The following DEFB127 variants were observed in gnomAD, a reference collection of about 807,000 sequenced individuals.
DEFB127 encodes the protein defensin beta 127, also known as beta-defensin 127.
Under a neutral mutation model 2.4 loss-of-function variants are expected in DEFB127, and 2 were observed. The observed-to-expected ratio is 0.82, with a 90% confidence interval of 0.34 to 2.58. The LOEUF is 2.58. Among genes scored for constraint, DEFB127 ranks in the 30% most tolerant of loss-of-function variants. The pLI, the probability that DEFB127 is intolerant of heterozygous loss-of-function variation, is 0.11. For missense variants in DEFB127, 110 were observed against 113.2 expected, an observed-to-expected ratio of 0.97 and a Z score of 0.13; for synonymous variants, 37 against 39.8, an observed-to-expected ratio of 0.93 and a Z score of 0.26.
At position 158,913 on chromosome 20, in the gene DEFB127, T is replaced by TA. The variant is rs1375522756; in HGVS notation, c.196dup (p.Ile66AsnfsTer50). ...TCAATATCAAGGAACTGGAAGCATG[T>TA]AAAAAAATTACAAAGCCACCTCGTC... On this transcript the variant is annotated frameshift_variant, in exon 2 of 2. Transcript: ENST00000382388. LOFTEE classifies it low-confidence loss of function (END_TRUNC). 10 of 1,613,674 alleles carry TA rather than the reference T, an allele frequency of 6.2e-6. No homozygotes were observed. The highest frequency in any genetic ancestry group is 1.7e-4 in the Middle Eastern group (1 of 6,060).
At chr20:158,704 T>C in intron 1 of DEFB127, 70 bp from the exon 2 acceptor site, 2 of 1,501,700 alleles carry the variant, frequency 1.3e-6, no homozygotes, top group Non-Finnish European at 1.8e-6. Context: ...GCCTCCTCTG[T>C]CTTCCCCAAA....
chr20:158,742 G>A, intron 1 of DEFB127, 32 bp from the exon 2 acceptor site: 1 of 1,583,872 alleles, frequency 6.3e-7, no homozygotes, highest in Non-Finnish European at 8.6e-7. Context: ...CTCAAACACT[G>A]ATATTGTTCT....
At chr20:158,266 A>G (rs1423808255) in intron 1 of DEFB127, among the ~76,000 whole-genome samples, 2 of 152,162 alleles carry the variant, frequency 1.3e-5, no homozygotes, top group East Asian at 3.8e-4. Flanking sequence ...CTAAGACCCA[A>G]TAGACTACTA....
Position 159,152 on chromosome 20 carries a change from G to C in DEFB127, c.*128G>C. On this transcript the variant is annotated 3_prime_UTR_variant, in exon 2 of 2. Coordinates refer to ENST00000382388, the MANE Select transcript of DEFB127 (RefSeq NM_139074.4). ...ACCTTCGAGCATATTCTAATAAAGT[G>C]CATTGCCAGTTTTCTGTCTCATTTT... is the stretch of plus-strand genomic sequence containing the variant. 9.3e-7 allele frequency: 1 copy of C among 1,071,988 alleles called. No homozygotes were observed. 66.4% of individuals were successfully genotyped at this position (1,071,988 alleles called of 1,614,324 possible).
intron 1 of DEFB127, 138 bp downstream of exon 1, chr20:157,731 T>G: frequency 1.1e-6 from 1 of 910,392 alleles, no homozygotes; most frequent in East Asian, 2.6e-5. Flanking sequence ...CATCAGAAAT[T>G]TCCTCTTTCT....
chr20:159,069 T>C lies in DEFB127; in HGVS notation c.*45T>C. The C allele has an allele frequency of 1.3e-6, 2 of 1,544,704 alleles. No individual in the cohort carries two copies. The highest frequency in any genetic ancestry group is 8.7e-7 in the Non-Finnish European group (1 of 1,146,516). ...TCACTTGCTTCTCAACCTAGTCTAATAAACTAAGGTGATGAGATATACATC... is the reference window on the plus strand; with the variant it reads ...TCACTTGCTTCTCAACCTAGTCTAACAAACTAAGGTGATGAGATATACATC... On this transcript the variant is annotated 3_prime_UTR_variant, in exon 2 of 2. Coordinates refer to ENST00000382388, the MANE Select transcript of DEFB127 (RefSeq NM_139074.4).
At position 157,454 on chromosome 20, in the gene DEFB127, G is replaced by A. The variant is rs114622530; in HGVS notation, c.-91G>A. The A allele has an allele frequency of 1.5e-3, 2,017 of 1,375,908 alleles. 20 individuals are homozygous for A. The African/African-American group carries it at 0.025, about 17-fold the overall frequency. 85.2% of individuals were successfully genotyped at this position (1,375,908 alleles called of 1,614,324 possible). Reference sequence around the variant, plus strand: ...ATCATCCCATCTGTTCTGGTTCAGTGCATAAGAATCTAAGTCTCTGAGGAA... The same window carrying A: ...ATCATCCCATCTGTTCTGGTTCAGTACATAAGAATCTAAGTCTCTGAGGAA... On this transcript the variant is annotated 5_prime_UTR_variant, in exon 1 of 2. Coordinates refer to ENST00000382388, the MANE Select transcript of DEFB127 (RefSeq NM_139074.4).
At position 157,519 on chromosome 20, in the gene DEFB127, C is replaced by G. The variant is rs766337534; in HGVS notation, c.-26C>G. The G allele has an allele frequency of 3.1e-6, 5 of 1,598,756 alleles. No individual in the cohort carries two copies. The East Asian group carries it at 1.1e-4, about 36-fold the overall frequency. ...CAGTTCACTGGACCAAAAGCTTTGG[C>G]TGCACCTCTTCTGGAAAGCCTGGCC... On this transcript the variant is annotated 5_prime_UTR_variant, in exon 1 of 2. Transcript: ENST00000382388.
At position 158,977 on chromosome 20, in the gene DEFB127, G is replaced by A. The variant is rs752079267; in HGVS notation, c.253G>A (p.Val85Ile). Residue 85 changes from valine (V) to isoleucine (I), a missense_variant, in exon 2 of 2, where the codon GTT (valine) becomes ATT (isoleucine). Val to Ile is a conservative substitution (Grantham distance 29). Coordinates refer to ENST00000382388, the MANE Select transcript of DEFB127 (RefSeq NM_139074.4). ...ATLALTLQDY[V>I]TIIENFPSLK... The stretch of plus-strand genomic sequence containing the variant: ...ACTTGCACTGACTCTTCAAGACTAT[G>A]TTACAATAATAGAAAATTTCCCAAG... The A allele has an allele frequency of 5.0e-5, 80 of 1,611,884 alleles. No individual in the cohort carries two copies. The highest frequency in any genetic ancestry group is 6.4e-5 in the Non-Finnish European group (76 of 1,179,290).
chr20:157,953 G>A (rs1169999650), intron 1 of DEFB127, among the ~76,000 whole-genome samples: 30 of 151,762 alleles, frequency 2.0e-4, no homozygotes, highest in African/African-American at 7.3e-4. Flanking sequence ...GTGTGTGTGT[G>A]TGTGTGTGTG....
chr20:157,929 ATATGTGTG>A (rs11468746), intron 1 of DEFB127, among the ~76,000 whole-genome samples: 88,024 of 130,228 alleles, frequency 0.68, 25,825 homozygotes, highest in Non-Finnish European at 0.72. Flanking sequence ...TCAAATATAT[ATATGTGTG>A]TGTGTGTGTG....
At position 157,513 on chromosome 20, in the gene DEFB127, C is replaced by A; in HGVS notation, c.-32C>A. The A allele has an allele frequency of 6.2e-7, 1 of 1,605,486 alleles. No individual in the cohort carries two copies. On this transcript the variant is annotated 5_prime_UTR_variant, in exon 1 of 2. Coordinates refer to ENST00000382388, the MANE Select transcript of DEFB127 (RefSeq NM_139074.4). The stretch of plus-strand genomic sequence containing the variant: ...AGTGTGCAGTTCACTGGACCAAAAG[C>A]TTTGGCTGCACCTCTTCTGGAAAGC...
intron 1 of DEFB127, 86 bp downstream of exon 1, chr20:157,679 G>A: frequency 6.9e-7 from 1 of 1,447,270 alleles, no homozygotes; most frequent in Non-Finnish European, 9.7e-7. Context: ...CCACACTAAA[G>A]GGAAATAGAG....
chr20:157,478 A>G lies in DEFB127; in HGVS notation c.-67A>G, dbSNP rs1276788673. 1.3e-6 allele frequency: 2 copies of G among 1,536,786 alleles called. No homozygotes were observed. Among genetic ancestry groups the G allele is most frequent in the African/African-American group, 2.7e-5 (2 of 73,492 alleles). On this transcript the variant is annotated 5_prime_UTR_variant, in exon 1 of 2. Transcript: ENST00000382388. ...TGCATAAGAATCTAAGTCTCTGAGG[A>G]AGGTAGCATAGTGTGCAGTTCACTG...
At position 158,755 on chromosome 20, in the gene DEFB127, T is replaced by C. The variant is rs754480427; in HGVS notation, c.50-19T>C. On this transcript the variant is annotated intron_variant, in intron 1 of 1. Transcript: ENST00000382388. ...GTCTCAAACACTGATATTGTTCTAT[T>C]GCTCCTTTCTGTGTATAGTAACCGA... is the stretch of plus-strand genomic sequence containing the variant. 5.0e-6 allele frequency: 8 copies of C among 1,595,854 alleles called. No homozygotes were observed. Among genetic ancestry groups the C allele is most frequent in the Non-Finnish European group, 6.8e-6 (8 of 1,171,906 alleles).
chr20:157,956 T>C (rs1256202624), intron 1 of DEFB127, among the ~76,000 whole-genome samples: 4 of 109,302 alleles, frequency 3.7e-5, no homozygotes, highest in African/African-American at 1.4e-4. Context: ...TGTGTGTGTG[T>C]GTGTGTGCAT....
chr20:157,692 C>T, intron 1 of DEFB127, 99 bp downstream of exon 1: 8 of 1,335,874 alleles, frequency 6.0e-6, no homozygotes, highest in Non-Finnish European at 7.4e-6. Flanking sequence ...AAATAGAGCC[C>T]CCAAAGATGG....
chr20:157,722 A>C, intron 1 of DEFB127, 129 bp downstream of exon 1: 1 of 982,054 alleles, frequency 1.0e-6, no homozygotes, highest in East Asian at 2.5e-5. Context: ...ATCCAACATC[A>C]TCAGAAATTT....
At chr20:157,641 T>G (rs1402593584) in intron 1 of DEFB127, 48 bp downstream of exon 1, 1 of 1,606,586 alleles carries the variant, frequency 6.2e-7, no homozygotes, top group South Asian at 1.1e-5. Context: ...GATGGAGCAT[T>G]TTCAGGAGCC....
Sources: gnomAD v4.1 joint callset for allele counts (sites outside exome capture counted in the v4.1 genomes callset) on GRCh38, gnomAD v4.1.1 for gene constraint, MANE v1.5 for transcripts, NCBI Gene and HGNC (gene_info 2026-07-23, HGNC 2026-07-21) for gene names.